The following CELF4 variants were observed in gnomAD, a reference collection of about 807,000 sequenced individuals.
CELF4 encodes the protein CUGBP Elav-like family member 4.
A neutral mutation model predicts 59.9 loss-of-function variants in CELF4; 18 were observed. The ratio of observed to expected loss-of-function variants is 0.30; its 90% confidence interval spans 0.21 to 0.45. The LOEUF (loss-of-function observed/expected upper bound fraction) is 0.45, where lower values mean the gene tolerates loss of function less well. Among genes scored for constraint, CELF4 ranks in the 20% least tolerant of loss-of-function variants. CELF4 has a pLI of 1.00. For synonymous variants in CELF4, 261 were observed against 267.1 expected (o/e 0.98, Z 0.22); for missense variants, 456 against 689.0 (o/e 0.66, Z 3.79).
At chr18:37,327,087 C>T (rs377675513) in intron 2 of CELF4, among the ~76,000 whole-genome samples, 1 of 152,160 alleles carries the variant, frequency 6.6e-6, no homozygotes, top group Non-Finnish European at 1.5e-5. Flanking sequence ...GTGGCTCCCT[C>T]TGGAAGGGGA....
intron 3 of CELF4, among the ~76,000 whole-genome samples, chr18:37,307,523 TA>T (rs2096474762): frequency 1.3e-5 from 2 of 152,122 alleles, no homozygotes; most frequent in South Asian, 4.2e-4. Context: ...TAATAGCCAT[TA>T]AATTATTAAG....
chr18:37,298,599 A>G (rs1414604633), intron 3 of CELF4, among the ~76,000 whole-genome samples: 4 of 152,008 alleles, frequency 2.6e-5, no homozygotes, highest in Non-Finnish European at 5.9e-5. Context: ...GTGTGGTGGC[A>G]CACACCTCCC....
chr18:37,328,004 C>T (rs957530288), intron 2 of CELF4, among the ~76,000 whole-genome samples: 8 of 152,074 alleles, frequency 5.3e-5, no homozygotes, highest in Non-Finnish European at 5.9e-5. Flanking sequence ...CTCTCTCATG[C>T]GTGTGTGCAT....
At chr18:37,502,509 G>A (rs772431878) in intron 1 of CELF4, among the ~76,000 whole-genome samples, 10 of 152,148 alleles carry the variant, frequency 6.6e-5, no homozygotes, top group Non-Finnish European at 8.8e-5. Context: ...GGTGGTACAG[G>A]GCATCTCATG....
chr18:37,308,283 T>A (rs1282753612), intron 3 of CELF4, among the ~76,000 whole-genome samples: 1 of 152,120 alleles, frequency 6.6e-6, no homozygotes, highest in Admixed American at 6.5e-5. Flanking sequence ...CAAACTCCTT[T>A]GCCTGGCGTT....
chr18:37,350,354 A>T (rs1301939281), intron 2 of CELF4, among the ~76,000 whole-genome samples: 1 of 152,126 alleles, frequency 6.6e-6, no homozygotes, highest in East Asian at 1.9e-4. Context: ...TGAAAATCCA[A>T]ATTTCTGAGT....
At chr18:37,461,989 T>G (rs1203824912) in intron 2 of CELF4, among the ~76,000 whole-genome samples, 2 of 152,182 alleles carry the variant, frequency 1.3e-5, no homozygotes, top group Non-Finnish European at 2.9e-5. Flanking sequence ...AAAGAGCTCC[T>G]GGGAGGACCA....
At chr18:37,440,643 A>G (rs1401567566) in intron 2 of CELF4, among the ~76,000 whole-genome samples, 1 of 152,206 alleles carries the variant, frequency 6.6e-6, no homozygotes, top group Non-Finnish European at 1.5e-5. Flanking sequence ...TTCAATTTAA[A>G]ATACAACTAA....
chr18:37,460,130 T>C (rs1245280613), intron 2 of CELF4, among the ~76,000 whole-genome samples: 1 of 152,188 alleles, frequency 6.6e-6, no homozygotes, highest in Non-Finnish European at 1.5e-5. Context: ...AGAATCACCA[T>C]GGCCCCAGGG....
chr18:37,347,123 G>A (rs758338082), intron 2 of CELF4, among the ~76,000 whole-genome samples: 3 of 152,116 alleles, frequency 2.0e-5, no homozygotes, highest in Non-Finnish European at 2.9e-5. Context: ...AAGCTCACAA[G>A]AGCGAAGTCT....
intron 3 of CELF4, among the ~76,000 whole-genome samples, chr18:37,317,281 G>T (rs970261287): frequency 1.3e-5 from 2 of 152,192 alleles, no homozygotes; most frequent in African/African-American, 4.8e-5. Flanking sequence ...CAGCTACTCC[G>T]GAGGCTGAGG....
In CELF4 at chr18:37,264,525, C is replaced by T. The variant is rs145097964; in HGVS notation, c.1249+149G>A. The T allele has an allele frequency of 6.2e-5, 41 of 666,104 alleles. No homozygotes were observed. In the East Asian group the frequency reaches 1.1e-3, roughly 18 times the overall value. The allele number at this position is 666,104 out of a possible 1,614,324, so 41.3% of individuals were successfully genotyped here. ...TTAAGTTGGAGAGCGCCACTCCTCA[C>T]AGCACTGCTGTCTTCCCTTGCCCAC... On this transcript the variant is annotated intron_variant, in intron 10 of 12. Transcript: ENST00000420428.
At chr18:37,438,083 G>A (rs1482626357) in intron 2 of CELF4, among the ~76,000 whole-genome samples, 4 of 152,202 alleles carry the variant, frequency 2.6e-5, no homozygotes, top group Non-Finnish European at 5.9e-5. Flanking sequence ...CACTGAATCT[G>A]CTAGCACCTT....
chr18:37,487,399 C>T (rs901931081), intron 1 of CELF4, among the ~76,000 whole-genome samples: 49 of 152,222 alleles, frequency 3.2e-4, no homozygotes, highest in African/African-American at 8.7e-4. Flanking sequence ...CCACCTCCAA[C>T]TCCTGCCTCA....
intron 1 of CELF4, among the ~76,000 whole-genome samples, chr18:37,518,511 G>A (rs2099953515): frequency 1.3e-5 from 2 of 152,056 alleles, no homozygotes; most frequent in African/African-American, 2.4e-5. Flanking sequence ...ACAATCTCCG[G>A]GCAGGCAAGG....
chr18:37,307,603 G>T (rs1232481268), intron 3 of CELF4, among the ~76,000 whole-genome samples: 3 of 152,092 alleles, frequency 2.0e-5, no homozygotes, highest in Non-Finnish European at 4.4e-5. Flanking sequence ...CTGTGGGCTG[G>T]GGGGTGGGGA....
intron 2 of CELF4, among the ~76,000 whole-genome samples, chr18:37,332,328 C>T (rs2097572895): frequency 6.6e-6 from 1 of 152,148 alleles, no homozygotes. Flanking sequence ...CAGGTGGCAC[C>T]CTTTGCAGCC....
intron 1 of CELF4, among the ~76,000 whole-genome samples, chr18:37,547,415 C>A (rs1356027044): frequency 1.3e-5 from 2 of 152,156 alleles, no homozygotes; most frequent in African/African-American, 4.8e-5. Context: ...TTCCCAGTTG[C>A]CACCCCCTGG....
In CELF4 at chr18:37,254,793, A is replaced by T. The variant is rs896686879; in HGVS notation, c.1334-855T>A. 6.6e-6 allele frequency among the ~76,000 whole-genome samples: 1 copy of T among 152,268 alleles called. No individual in the cohort carries two copies. The highest frequency in any genetic ancestry group is 1.9e-4 in the East Asian group (1 of 5,200). ...TCCCAGGCCCAACCGCGCAGGTCCC[A>T]GATGGGCACAGGTCATGTTCCCAAA... On this transcript the variant is annotated intron_variant, in intron 11 of 12. Transcript: ENST00000420428. The surrounding 1 kb of genome is among the most constrained non-coding windows in gnomAD (Gnocchi z 5.1).
Sources: gnomAD v4.1 joint callset for allele counts (sites outside exome capture counted in the v4.1 genomes callset) on GRCh38, gnomAD v4.1.1 for gene constraint, Gnocchi (gnomAD v3.1) non-coding constraint, MANE v1.5 for transcripts, NCBI Gene and HGNC (gene_info 2026-07-23, HGNC 2026-07-21) for gene names.